SORCS3: variants seen among roughly 807,000 people sequenced by gnomAD.
The protein encoded by SORCS3 is VPS10 domain-containing receptor SorCS3.
SORCS3 carries 57 observed loss-of-function variants against 146.3 expected under a neutral mutation model. The ratio of observed to expected loss-of-function variants is 0.39; its 90% confidence interval spans 0.31 to 0.49. SORCS3 has a LOEUF of 0.49. SORCS3 is among the 20% of genes least tolerant of loss of function. The pLI is 0.92. For missense variants in SORCS3, 1,341 were observed against 1,575.5 expected (o/e 0.85, Z 2.52); for synonymous variants, 653 against 618.5 (o/e 1.06, Z -0.83).
At chr10:104,737,916 G>A (rs1212453245) in intron 1 of SORCS3, among the ~76,000 whole-genome samples, 4 of 150,454 alleles carry the variant, frequency 2.7e-5, no homozygotes, top group South Asian at 2.2e-4. Flanking sequence ...TAGGTCTAAC[G>A]TTTAAGTCTT....
At chr10:104,844,338 A>G (rs549768513) in intron 2 of SORCS3, among the ~76,000 whole-genome samples, 1 of 152,212 alleles carries the variant, frequency 6.6e-6, no homozygotes, top group South Asian at 2.1e-4. Context: ...GCTTGGTCAA[A>G]TCATGAAACA....
At chr10:105,163,683 A>G (rs1448533790) in intron 11 of SORCS3, among the ~76,000 whole-genome samples, 1 of 152,152 alleles carries the variant, frequency 6.6e-6, no homozygotes, top group African/African-American at 2.4e-5. Context: ...AGCAGCAAGT[A>G]TGGTTGGTCT....
chr10:104,881,585 CAGATT>C (rs1170491502), intron 2 of SORCS3, among the ~76,000 whole-genome samples: 1 of 152,032 alleles, frequency 6.6e-6, no homozygotes, highest in East Asian at 1.9e-4. Context: ...AAAAAAGTAA[CAGATT>C]AAAGAATCTT....
intron 1 of SORCS3, among the ~76,000 whole-genome samples, chr10:104,742,454 T>C (rs1273455925): frequency 6.6e-6 from 1 of 152,150 alleles, no homozygotes; most frequent in Non-Finnish European, 1.5e-5. Flanking sequence ...TAAGGCCCTG[T>C]TTGTCCTGAC....
At chr10:105,170,498 C>T (rs577359851) in intron 13 of SORCS3, among the ~76,000 whole-genome samples, 181 of 151,924 alleles carry the variant, frequency 1.2e-3, no homozygotes, top group Middle Eastern at 3.4e-3. Context: ...TTTGGCTGTT[C>T]TAACTTACAA....
At position 104,941,735 on chromosome 10, in the gene SORCS3, T is replaced by A. The variant is rs142090031; in HGVS notation, c.795+25803T>A. 3.1e-3 allele frequency among the ~76,000 whole-genome samples: 470 copies of A among 152,294 alleles called. 4 individuals are homozygous for A. Among genetic ancestry groups the A allele is most frequent in the African/African-American group, 0.011 (445 of 41,572 alleles). On this transcript the variant is annotated intron_variant, in intron 3 of 26. Transcript: ENST00000369701. ...GCTTAATTCCCTGGGTAGGTCTAGATTATAGAGAAGCAAAAATGACTGTGG... is the reference window on the plus strand; with the variant it reads ...GCTTAATTCCCTGGGTAGGTCTAGAATATAGAGAAGCAAAAATGACTGTGG...
chr10:105,208,104 G>C (rs544065753), intron 16 of SORCS3, among the ~76,000 whole-genome samples: 2 of 152,294 alleles, frequency 1.3e-5, no homozygotes, highest in South Asian at 4.1e-4. Flanking sequence ...TACTTTGGGA[G>C]GCTGAGGTGG....
chr10:105,091,533 C>T (rs1291265432), intron 6 of SORCS3, among the ~76,000 whole-genome samples: 1 of 137,272 alleles, frequency 7.3e-6, no homozygotes, highest in East Asian at 2.4e-4. Flanking sequence ...TTCCTTCCTT[C>T]CTCCCTCCCT....
intron 8 of SORCS3, among the ~76,000 whole-genome samples, chr10:105,145,523 A>T (rs975699103): frequency 1.3e-5 from 2 of 152,078 alleles, no homozygotes; most frequent in Non-Finnish European, 2.9e-5. Context: ...AACTTAGCTC[A>T]TTCATTTTTA....
chr10:104,641,653 C>T lies in SORCS3; in HGVS notation c.326C>T (p.Ser109Leu), dbSNP rs917897008. ...GEMQVEAGGT[S>L]PAGERRGRGI... The stretch of plus-strand genomic sequence containing the variant: ...ATGCAGGTGGAAGCCGGAGGGACAT[C>T]ACCGGCAGGCGAGCGGCGGGGCCGG... Residue 109 changes from serine (S) to leucine (L), a missense_variant, in exon 1 of 27, where the codon TCA becomes TTA. By Grantham distance (145) the Ser-to-Leu change is moderately radical. Coordinates refer to ENST00000369701, the MANE Select transcript of SORCS3 (RefSeq NM_014978.3). This position sits in a 1 kb window ranked among gnomAD's most constrained non-coding sequence, Gnocchi z 6.4. 10 of 1,527,454 alleles carry T rather than the reference C, an allele frequency of 6.5e-6. No individual in the cohort carries two copies. The African/African-American group carries it at 8.3e-5, about 13-fold the overall frequency. 94.6% of individuals were successfully genotyped at this position (1,527,454 alleles called of 1,614,324 possible).
chr10:105,165,366 G>A (rs985364028), intron 12 of SORCS3, among the ~76,000 whole-genome samples: 14 of 152,142 alleles, frequency 9.2e-5, no homozygotes, highest in African/African-American at 2.9e-4. Context: ...TTAAAAGTGA[G>A]ACAGTTTCTC....
chr10:104,728,061 ATCTATCTATCTAATCTATCTG>A (rs1478375717), intron 1 of SORCS3, among the ~76,000 whole-genome samples: 16 of 149,126 alleles, frequency 1.1e-4, no homozygotes, highest in Non-Finnish European at 3.0e-5. Flanking sequence ...CTATCTATCT[ATCTATCTATCTAATCTATCTG>A]TCATCTCTTT....
intron 22 of SORCS3, among the ~76,000 whole-genome samples, chr10:105,247,704 C>G (rs750678016): frequency 6.6e-6 from 1 of 151,728 alleles, no homozygotes. Context: ...GCTGAGATTG[C>G]GCCATTGCAC....
intron 1 of SORCS3, among the ~76,000 whole-genome samples, chr10:104,643,211 C>T (rs1045504721): frequency 6.7e-4 from 102 of 152,254 alleles, no homozygotes; most frequent in African/African-American, 2.3e-3. Context: ...GAACTCACCC[C>T]GCAACTCCCT....
intron 1 of SORCS3, among the ~76,000 whole-genome samples, chr10:104,678,675 T>C (rs562816833): frequency 8.5e-5 from 13 of 152,226 alleles, no homozygotes; most frequent in Non-Finnish European, 1.9e-4. Flanking sequence ...TCCTAGCCAG[T>C]AGAGTATGAT....
chr10:105,164,971 T>C (rs1235911065), intron 12 of SORCS3, among the ~76,000 whole-genome samples: 1 of 152,210 alleles, frequency 6.6e-6, no homozygotes, highest in Non-Finnish European at 1.5e-5. Flanking sequence ...TCAGCGATGA[T>C]GGAAAAGTTC....
intron 22 of SORCS3, among the ~76,000 whole-genome samples, chr10:105,251,271 A>C (rs1423835788): frequency 6.6e-6 from 1 of 152,132 alleles, no homozygotes; most frequent in Admixed American, 6.6e-5. Flanking sequence ...CCCCTTATAA[A>C]ACCATTAGCT....
chr10:104,923,368 A>G (rs1355306029), intron 3 of SORCS3, among the ~76,000 whole-genome samples: 4 of 152,024 alleles, frequency 2.6e-5, no homozygotes, highest in African/African-American at 9.7e-5. Flanking sequence ...CATAGCTCTT[A>G]GTTATATGAC....
chr10:105,225,185 T>C (rs1284334198), intron 20 of SORCS3, among the ~76,000 whole-genome samples: 1 of 152,110 alleles, frequency 6.6e-6, no homozygotes, highest in Admixed American at 6.6e-5. Context: ...TTTTCTCCTA[T>C]GTTGTCTTCT....
Sources: gnomAD v4.1 joint callset for allele counts (sites outside exome capture counted in the v4.1 genomes callset) on GRCh38, gnomAD v4.1.1 for gene constraint, Gnocchi (gnomAD v3.1) non-coding constraint, MANE v1.5 for transcripts, NCBI Gene and HGNC (gene_info 2026-07-23, HGNC 2026-07-21) for gene names.